The following CEP85L variants were observed in gnomAD, a reference collection of about 807,000 sequenced individuals.
The protein encoded by CEP85L is centrosomal protein 85L, also known as centrosomal protein of 85 kDa-like.
In CEP85L, 60 loss-of-function variants were observed where a neutral mutation model predicts 100.3. The observed-to-expected ratio is 0.60, with a 90% CI of 0.49 to 0.74. The LOEUF is 0.74. Ranked by LOEUF, CEP85L falls within the 30% of genes least tolerant of loss-of-function variation. The pLI, the probability that CEP85L is intolerant of heterozygous loss-of-function variation, is 0.00. For synonymous variants in CEP85L, 319 were observed against 322.7 expected, an observed-to-expected ratio of 0.99 and a Z score of 0.12; for missense variants, 973 against 936.2, an observed-to-expected ratio of 1.04 and a Z score of -0.51.
chr6:118,642,843 A>T lies in CEP85L; in HGVS notation c.73+8354T>A, dbSNP rs546655925. ...GAGGCGGAGGTTGCAGTGAGCCGAG[A>T]TCACACCACTGCACTCCAGCCTGGG... is the stretch of plus-strand genomic sequence containing the variant. On this transcript the variant is annotated intron_variant, in intron 1 of 12. Coordinates refer to ENST00000368491, the MANE Select transcript of CEP85L (RefSeq NM_001042475.3). Among the ~76,000 whole-genome samples the T allele has an allele frequency of 3.3e-5, 5 of 152,134 alleles. No homozygotes were observed. The South Asian group carries it at 1.0e-3, about 32-fold the overall frequency.
At chr6:118,648,222 C>G (rs902735024) in intron 1 of CEP85L, among the ~76,000 whole-genome samples, 1 of 152,220 alleles carries the variant, frequency 6.6e-6, no homozygotes, top group South Asian at 2.1e-4. Context: ...CCACTGCACT[C>G]CAGGCTGGGC....
chr6:118,578,453 C>T (rs1428084709), intron 2 of CEP85L, among the ~76,000 whole-genome samples: 2 of 152,196 alleles, frequency 1.3e-5, no homozygotes, highest in African/African-American at 2.4e-5. Context: ...ACCCTTTGGC[C>T]GGGAGCGGTG....
chr6:118,626,170 A>G (rs1423256345), intron 2 of CEP85L, among the ~76,000 whole-genome samples: 1 of 152,092 alleles, frequency 6.6e-6, no homozygotes, highest in Non-Finnish European at 1.5e-5. Flanking sequence ...AAACTCACTC[A>G]TTTCCTGCAT....
chr6:118,486,628 G>A (rs25423), intron 6 of CEP85L, among the ~76,000 whole-genome samples: 142 of 152,096 alleles, frequency 9.3e-4, no homozygotes, highest in Non-Finnish European at 1.6e-3. Flanking sequence ...GCACTCCCTT[G>A]AAGAACTCAA....
intron 2 of CEP85L, among the ~76,000 whole-genome samples, chr6:118,575,786 T>C (rs920234112): frequency 2.0e-5 from 3 of 151,940 alleles, no homozygotes; most frequent in Non-Finnish European, 4.4e-5. Context: ...AAGCAAGTAG[T>C]GGATAGTTGC....
chr6:118,511,320 T>C lies in CEP85L; in HGVS notation c.1235A>G (p.Asp412Gly), dbSNP rs1355770113. Reference protein sequence around the residue: ...AMLGHYVNCEDSYVASLQPQY... With the variant: ...AMLGHYVNCEGSYVASLQPQY... ...TACCTGCAAACTAGCCACATAAGAATCCTCACAATTTACATAATGTCCTAA... is the reference window on the plus strand; with the variant it reads ...TACCTGCAAACTAGCCACATAAGAACCCTCACAATTTACATAATGTCCTAA... The change falls in exon 5 of 13, where the codon GAT becomes GGT. Residue 412 changes from aspartate to glycine, a missense_variant. Transcript: ENST00000368491. 3.1e-6 allele frequency: 5 copies of C among 1,611,728 alleles called. No homozygotes were observed. The highest frequency in any genetic ancestry group is 4.2e-6 in the Non-Finnish European group (5 of 1,178,132).
At position 118,567,628 on chromosome 6, in the gene CEP85L, C is replaced by T. The variant is rs187344714; in HGVS notation, c.233-1312G>A. Among the ~76,000 whole-genome samples the T allele has an allele frequency of 1.3e-3, 199 of 152,152 alleles. 2 individuals are homozygous for T. The highest frequency in any genetic ancestry group is 1.0e-2 in the Admixed American group (152 of 15,272). ...AATTGGTGTGTGGGGAGGAAGTAAG[C>T]GATGGAGACCTTTGCAATTTATTCT... is the stretch of plus-strand genomic sequence containing the variant. On this transcript the variant is annotated intron_variant, in intron 2 of 12. Coordinates refer to ENST00000368491, the MANE Select transcript of CEP85L (RefSeq NM_001042475.3).
At chr6:118,511,458 C>T (rs770841907) in intron 4 of CEP85L, 43 bp from the exon 5 acceptor site, 11 of 1,297,590 alleles carry the variant, frequency 8.5e-6, no homozygotes, top group Non-Finnish European at 1.0e-5. Flanking sequence ...TTATAATTTT[C>T]TAATAGTTAG....
intron 1 of CEP85L, among the ~76,000 whole-genome samples, chr6:118,671,919 A>T (rs1776317764): frequency 6.6e-6 from 1 of 152,218 alleles, no homozygotes; most frequent in Non-Finnish European, 1.5e-5. Context: ...CCTGGGCGAA[A>T]GAGCGAGACT....
chr6:118,477,180 G>A (rs1043644251), intron 10 of CEP85L, among the ~76,000 whole-genome samples: 1 of 152,024 alleles, frequency 6.6e-6, no homozygotes, highest in African/African-American at 2.4e-5. Flanking sequence ...ATTTCTAAAA[G>A]GTCAATGAGT....
In CEP85L at chr6:118,477,388, GAATA is replaced by G. The variant is rs1391336219; in HGVS notation, c.1914+2479_1914+2482del. Among the ~76,000 whole-genome samples, 3 of 152,170 alleles carry G rather than the reference GAATA, an allele frequency of 2.0e-5. No homozygotes were observed. In the East Asian group the frequency reaches 5.8e-4, roughly 29 times the overall value. ...ATTTCTCTCCAACTTCGAAAGCTGT[GAATA>G]AATAAACATGCCAGTGACCTATAAC... is the stretch of plus-strand genomic sequence containing the variant. On this transcript the variant is annotated intron_variant, in intron 10 of 12. Coordinates refer to ENST00000368491, the MANE Select transcript of CEP85L (RefSeq NM_001042475.3).
At chr6:118,567,245 G>A (rs1169345775) in intron 2 of CEP85L, among the ~76,000 whole-genome samples, 1,921 of 30,652 alleles carry the variant, frequency 0.063, 17 homozygotes, top group African/African-American at 0.082. Flanking sequence ...GTGTGTGTGT[G>A]TGTGTATATA....
chr6:118,537,875 T>G (rs1777684286), intron 3 of CEP85L: 4 of 985,330 alleles, frequency 4.1e-6, no homozygotes, highest in Non-Finnish European at 3.6e-6. Flanking sequence ...CAGTAAATCT[T>G]CCTCTGTTTC....
intron 2 of CEP85L, among the ~76,000 whole-genome samples, chr6:118,596,925 T>C (rs999476897): frequency 2.0e-5 from 3 of 152,226 alleles, no homozygotes; most frequent in African/African-American, 7.2e-5. Flanking sequence ...TGAATTGTAG[T>C]TCCCATAATC....
intron 3 of CEP85L, among the ~76,000 whole-genome samples, chr6:118,542,909 A>AAAAAAAAAAAAAAAC: frequency 1.4e-5 from 2 of 146,690 alleles, no homozygotes; most frequent in African/African-American, 2.5e-5. Flanking sequence ...CCAAAAAAAA[A>AAAAAAAAAAAAAAAC]AAAAAAAAAA....
chr6:118,640,917 C>T (rs933003864), intron 1 of CEP85L, among the ~76,000 whole-genome samples: 1 of 152,028 alleles, frequency 6.6e-6, no homozygotes, highest in African/African-American at 2.4e-5. Context: ...TAGAAATTTT[C>T]CAGAAGGATA....
chr6:118,563,604 T>C (rs2114988377), intron 3 of CEP85L, among the ~76,000 whole-genome samples: 1 of 152,274 alleles, frequency 6.6e-6, no homozygotes, highest in Admixed American at 6.5e-5. Flanking sequence ...AAAATCAGTG[T>C]TTCTATGATT....
At chr6:118,679,600 AGT>A (rs1380865128) in intron 1 of CEP85L, among the ~76,000 whole-genome samples, 107 of 152,328 alleles carry the variant, frequency 7.0e-4, no homozygotes, top group Non-Finnish European at 1.8e-4. Context: ...ATGCAATGCT[AGT>A]GTAAGGGTGT....
At chr6:118,475,649 C>T (rs998156354) in intron 10 of CEP85L, among the ~76,000 whole-genome samples, 3 of 151,972 alleles carry the variant, frequency 2.0e-5, no homozygotes, top group East Asian at 1.9e-4. Context: ...CCACCACGCC[C>T]GGTGACTTAT....
Sources: gnomAD v4.1 joint callset for allele counts (sites outside exome capture counted in the v4.1 genomes callset) on GRCh38, gnomAD v4.1.1 for gene constraint, MANE v1.5 for transcripts, NCBI Gene and HGNC (gene_info 2026-07-23, HGNC 2026-07-21) for gene names.